The following ELMO1 variants were observed in gnomAD, a reference collection of about 807,000 sequenced individuals.
The protein encoded by ELMO1 is engulfment and cell motility protein 1.
ELMO1 carries 26 observed loss-of-function variants against 98.9 expected under a neutral mutation model. The observed-to-expected ratio is 0.26, with a 90% CI of 0.19 to 0.36. ELMO1 has a LOEUF of 0.36. Among genes scored for constraint, ELMO1 ranks in the 10% least tolerant of loss-of-function variants. ELMO1 has a pLI of 1.00. For synonymous variants in ELMO1, 346 were observed against 346.0 expected (o/e 1.00, Z 0.00); for missense variants, 627 against 935.2 (o/e 0.67, Z 4.30).
intron 13 of ELMO1, among the ~76,000 whole-genome samples, chr7:37,150,454 T>A (rs1584723372): frequency 7.2e-6 from 1 of 137,934 alleles, no homozygotes; most frequent in Non-Finnish European, 1.6e-5. Context: ...AAAAAAAAAA[T>A]TGTTAACTAC....
At chr7:37,351,467 G>C (rs752180950) in intron 1 of ELMO1, among the ~76,000 whole-genome samples, 12 of 152,166 alleles carry the variant, frequency 7.9e-5, no homozygotes, top group Non-Finnish European at 1.6e-4. Context: ...CCTCCATGGG[G>C]AAAGGTCATC....
chr7:36,922,892 C>T (rs1176884801), intron 16 of ELMO1, among the ~76,000 whole-genome samples: 2 of 152,206 alleles, frequency 1.3e-5, no homozygotes, highest in Non-Finnish European at 2.9e-5. Flanking sequence ...TCTCCCAATG[C>T]ACCTCCTGTC....
chr7:37,269,141 TA>T (rs1196257679), intron 5 of ELMO1, among the ~76,000 whole-genome samples: 1 of 152,240 alleles, frequency 6.6e-6, no homozygotes, highest in Non-Finnish European at 1.5e-5. Context: ...TATGCAAGTA[TA>T]TTTTTCAGCT....
At chr7:37,012,725 AG>A (rs1267401852) in intron 16 of ELMO1, among the ~76,000 whole-genome samples, 1 of 152,346 alleles carries the variant, frequency 6.6e-6, no homozygotes, top group African/African-American at 2.4e-5. Flanking sequence ...CTCAGTTCAA[AG>A]GATCAAATGC....
At chr7:36,972,759 T>C (rs1790082086) in intron 16 of ELMO1, among the ~76,000 whole-genome samples, 1 of 152,212 alleles carries the variant, frequency 6.6e-6, no homozygotes, top group South Asian at 2.1e-4. Flanking sequence ...TCAATCTATA[T>C]ATCTATATAA....
intron 16 of ELMO1, among the ~76,000 whole-genome samples, chr7:36,901,999 G>T (rs1294569996): frequency 2.6e-5 from 4 of 152,194 alleles, no homozygotes; most frequent in African/African-American, 4.8e-5. Flanking sequence ...GGGCTTGGAA[G>T]ATGCTCTGGC....
rs183895772 is a variant in ELMO1, at chr7:37,192,521, C to T, written c.1086+18865G>A. 5.2e-3 allele frequency among the ~76,000 whole-genome samples: 724 copies of T among 139,238 alleles called. 4 individuals carry two copies. Among genetic ancestry groups the T allele is most frequent in the Non-Finnish European group, 8.3e-3 (534 of 64,512 alleles). The allele number at this position is 139,238 out of a possible 152,430, so 91.3% of individuals were successfully genotyped here. A position where few individuals can be genotyped will look rare whatever the true frequency, so the allele number is the denominator to read the frequency against. ...TCAAAAAAAAAAAAAAAAACTGGGCCGGGCGCAGTGGTTCACACCTATAAT... is the reference window on the plus strand; with the variant it reads ...TCAAAAAAAAAAAAAAAAACTGGGCTGGGCGCAGTGGTTCACACCTATAAT... On this transcript the variant is annotated intron_variant, in intron 13 of 21. Coordinates refer to ENST00000310758, the MANE Select transcript of ELMO1 (RefSeq NM_014800.11).
intron 6 of ELMO1, among the ~76,000 whole-genome samples, chr7:37,248,916 T>C (rs139004396): frequency 1.0e-3 from 155 of 152,352 alleles, no homozygotes; most frequent in African/African-American, 3.5e-3. Context: ...TCATCTTTTG[T>C]GTGAAGGCAA....
intron 13 of ELMO1, among the ~76,000 whole-genome samples, chr7:37,135,529 C>T (rs914786676): frequency 6.6e-6 from 1 of 152,190 alleles, no homozygotes; most frequent in African/African-American, 2.4e-5. Context: ...GGCTGCAAGA[C>T]CTGAAGACCG....
At chr7:37,156,061 C>T (rs981601048) in intron 13 of ELMO1, among the ~76,000 whole-genome samples, 1 of 152,154 alleles carries the variant, frequency 6.6e-6, no homozygotes, top group African/African-American at 2.4e-5. Context: ...GAACAACCTG[C>T]TCCTGAATGA....
intron 6 of ELMO1, among the ~76,000 whole-genome samples, chr7:37,251,031 G>A (rs1795318138): frequency 6.6e-6 from 1 of 152,104 alleles, no homozygotes; most frequent in African/African-American, 2.4e-5. Flanking sequence ...AACAGTGGAA[G>A]GACACAGAAG....
chr7:37,290,904 AAAG>A (rs1004599088), intron 4 of ELMO1, among the ~76,000 whole-genome samples: 22 of 152,162 alleles, frequency 1.4e-4, no homozygotes, highest in African/African-American at 5.1e-4. Flanking sequence ...AGGAAGAGAA[AAAG>A]AAGAACAAGA....
chr7:37,169,388 C>G (rs1032225363), intron 13 of ELMO1, among the ~76,000 whole-genome samples: 20 of 152,272 alleles, frequency 1.3e-4, no homozygotes, highest in South Asian at 1.0e-3. Context: ...GTGAGATGAA[C>G]CCGGTACCTC....
chr7:37,366,631 C>T (rs977984345), intron 1 of ELMO1, among the ~76,000 whole-genome samples: 3 of 152,140 alleles, frequency 2.0e-5, no homozygotes, highest in South Asian at 4.1e-4. Context: ...GAGAATCTCC[C>T]GTCCTCACAC....
chr7:37,314,942 A>G lies in ELMO1; in HGVS notation c.120-20T>C. On this transcript the variant is annotated intron_variant, in intron 3 of 21. Coordinates refer to ENST00000310758, the MANE Select transcript of ELMO1 (RefSeq NM_014800.11). Reference sequence around the variant, plus strand: ...GACCACCTTAAAAATACAAGCGTATACTGATTAGAAAAATGAAAGTGGCCA... The same window carrying G: ...GACCACCTTAAAAATACAAGCGTATGCTGATTAGAAAAATGAAAGTGGCCA... 1.2e-6 allele frequency: 2 copies of G among 1,602,992 alleles called. No individual in the cohort carries two copies. Among genetic ancestry groups the G allele is most frequent in the Non-Finnish European group, 1.7e-6 (2 of 1,175,966 alleles).
chr7:37,014,207 C>T (rs1793758227), intron 15 of ELMO1, among the ~76,000 whole-genome samples: 1 of 152,100 alleles, frequency 6.6e-6, no homozygotes, highest in Non-Finnish European at 1.5e-5. Flanking sequence ...CCCATCATCC[C>T]ATCTGTCAAG....
rs749198751 is a variant in ELMO1, at chr7:37,224,846, T to C, written c.701+33A>G. On this transcript the variant is annotated intron_variant, in intron 9 of 21. Transcript: ENST00000310758. The stretch of plus-strand genomic sequence containing the variant: ...TTACCGTGGCCATCTTCCTGAAGCA[T>C]TTCTCCTCCCCAGAGCATCTTGGCA... The C allele has an allele frequency of 2.5e-6, 4 of 1,606,560 alleles. No homozygotes were observed. In the South Asian group the frequency reaches 4.4e-5, roughly 18 times the overall value.
chr7:37,337,773 A>AG (rs1413131093), intron 2 of ELMO1, among the ~76,000 whole-genome samples: 1 of 152,178 alleles, frequency 6.6e-6, no homozygotes, highest in Non-Finnish European at 1.5e-5. Context: ...GCAAGGCCTG[A>AG]GGGGGCAGGG....
At chr7:37,301,792 C>G (rs1247231835) in intron 4 of ELMO1, among the ~76,000 whole-genome samples, 1 of 152,094 alleles carries the variant, frequency 6.6e-6, no homozygotes, top group Non-Finnish European at 1.5e-5. Flanking sequence ...CTCTAAATTT[C>G]TTGGTTTACA....
Sources: gnomAD v4.1 joint callset for allele counts (sites outside exome capture counted in the v4.1 genomes callset) on GRCh38, gnomAD v4.1.1 for gene constraint, MANE v1.5 for transcripts, NCBI Gene and HGNC (gene_info 2026-07-23, HGNC 2026-07-21) for gene names.